STAT4: variants seen among roughly 807,000 people sequenced by gnomAD.
The protein encoded by STAT4 is signal transducer and activator of transcription 4.
Under a neutral mutation model 110.5 loss-of-function variants are expected in STAT4, and 42 were observed. That is an observed-to-expected ratio of 0.38 (90% confidence interval 0.30 to 0.49). STAT4 has a LOEUF of 0.49. Ranked by LOEUF, STAT4 falls within the 20% of genes least tolerant of loss-of-function variation. The probability of loss-of-function intolerance (pLI) is 0.95; values close to 1 mark genes in which losing one functional copy is unlikely to be tolerated. For synonymous variants in STAT4, 284 were observed against 302.2 expected (o/e 0.94, Z 0.63); for missense variants, 632 against 887.9 (o/e 0.71, Z 3.66).
At position 191,061,718 on chromosome 2, in the gene STAT4, T is replaced by A. The variant is rs1441634831; in HGVS notation, c.1034+11A>T. On this transcript the variant is annotated intron_variant, in intron 10 of 23. Coordinates refer to ENST00000392320, the MANE Select transcript of STAT4 (RefSeq NM_003151.4). The surrounding 1 kb of genome is among the most constrained non-coding windows in gnomAD (Gnocchi z 6.2). ...CAAACACACGAAATAGTAGAAAATG[T>A]TTTTGCCTACCTTAGTTTTACAGTG... 3 of 1,612,294 alleles carry A rather than the reference T, an allele frequency of 1.9e-6. No individual in the cohort carries two copies. Among genetic ancestry groups the A allele is most frequent in the Non-Finnish European group, 2.5e-6 (3 of 1,178,410 alleles).
At chr2:191,109,606 A>T (rs10201160) in intron 3 of STAT4, among the ~76,000 whole-genome samples, 7,293 of 152,236 alleles carry the variant, frequency 0.048, 579 homozygotes, top group African/African-American at 0.17. Context: ...TGGAACTCAA[A>T]CCAGGTCAAA....
intron 3 of STAT4, among the ~76,000 whole-genome samples, chr2:191,131,180 C>T (rs1699027410): frequency 6.6e-6 from 1 of 151,666 alleles, no homozygotes; most frequent in African/African-American, 2.4e-5. Context: ...TAAAGATGTA[C>T]ATAGTGCATG....
chr2:191,032,923 G>A lies in STAT4; in HGVS notation c.2044+35C>T. 1.9e-6 allele frequency: 3 copies of A among 1,569,680 alleles called. No individual in the cohort carries two copies. Among genetic ancestry groups the A allele is most frequent in the South Asian group, 2.4e-5 (2 of 83,780 alleles). ...ATGAGGTTATTTTCCAAAATCTTAA[G>A]GAAAAAAAAACAAAAACAAACAGAA... On this transcript the variant is annotated intron_variant, in intron 21 of 23. Transcript: ENST00000392320. The surrounding 1 kb of genome is among the most constrained non-coding windows in gnomAD (Gnocchi z 4.9).
chr2:191,117,297 A>G lies in STAT4; in HGVS notation c.273+29316T>C, dbSNP rs930055080. On this transcript the variant is annotated intron_variant, in intron 3 of 23. Transcript: ENST00000392320. The surrounding 1 kb of genome is among the most constrained non-coding windows in gnomAD (Gnocchi z 5.2). ...AGTGCTCTTATTTTAGCAGAGAAAT[A>G]CAAGTTTCTAATAGCTTAAGGCTGT... Among the ~76,000 whole-genome samples the G allele has an allele frequency of 1.3e-5, 2 of 152,232 alleles. No individual in the cohort carries two copies. The highest frequency in any genetic ancestry group is 4.8e-5 in the African/African-American group (2 of 41,458).
At chr2:191,088,820 C>G (rs1355803395) in intron 3 of STAT4, among the ~76,000 whole-genome samples, 3 of 152,154 alleles carry the variant, frequency 2.0e-5, no homozygotes, top group African/African-American at 7.2e-5. Flanking sequence ...TGCGACACAA[C>G]AGAACAAAGG....
chr2:191,145,075 A>G (rs1457408634), intron 3 of STAT4, among the ~76,000 whole-genome samples: 2 of 152,214 alleles, frequency 1.3e-5, no homozygotes, highest in African/African-American at 4.8e-5. Flanking sequence ...AAGGCCAGAT[A>G]AATGTGATAT....
chr2:191,031,401 T>C lies in STAT4; in HGVS notation c.2111+49A>G, dbSNP rs1252607729. 5.1e-6 allele frequency: 8 copies of C among 1,575,744 alleles called. No homozygotes were observed. The highest frequency in any genetic ancestry group is 1.7e-4 in the Middle Eastern group (1 of 5,958). On this transcript the variant is annotated intron_variant, in intron 22 of 23. Coordinates refer to ENST00000392320, the MANE Select transcript of STAT4 (RefSeq NM_003151.4). This position sits in a 1 kb window ranked among gnomAD's most constrained non-coding sequence, Gnocchi z 4.8. The stretch of plus-strand genomic sequence containing the variant: ...CTCTGCTCTACCTTTAAATCTCCTA[T>C]AGGAAAGCTTTTTATAAAAATATTT...
At chr2:191,056,779 ATTT>A (rs34775786) in intron 13 of STAT4, among the ~76,000 whole-genome samples, 13 of 94,490 alleles carry the variant, frequency 1.4e-4, no homozygotes, top group Admixed American at 2.5e-4. Context: ...CTTCTACACT[ATTT>A]TTTTTTTTTT....
chr2:191,098,889 G>C (rs1158007517), intron 3 of STAT4, among the ~76,000 whole-genome samples: 1 of 151,962 alleles, frequency 6.6e-6, no homozygotes, highest in African/African-American at 2.4e-5. Flanking sequence ...AAATATTTTT[G>C]TGTGGAAAAA....
At position 191,146,678 on chromosome 2, in the gene STAT4, G is replaced by A. The variant is rs1468059700; in HGVS notation, c.208C>T (p.Arg70Cys). Residue 70 changes from arginine to cysteine, a missense_variant, in exon 3 of 24, where the codon CGT becomes TGT. By Grantham distance (180) the Arg-to-Cys change is radical (BLOSUM62 -3). Coordinates refer to ENST00000392320, the MANE Select transcript of STAT4 (RefSeq NM_003151.4). The surrounding 1 kb of genome is among the most constrained non-coding windows in gnomAD (Gnocchi z 4.5). ...LLIQLDEQLGRVSKEKNLLLI... is the reference protein window; with the variant it reads ...LLIQLDEQLGCVSKEKNLLLI... ...AGTAGGTTTTTCTCTTTGGAAACAC[G>A]ACCTAACTGTTCATCCAGTTGTATT... 5 of 1,591,758 alleles carry A rather than the reference G, an allele frequency of 3.1e-6. No homozygotes were observed. The highest frequency in any genetic ancestry group is 4.3e-6 in the Non-Finnish European group (5 of 1,169,442).
rs761155615 is a variant in STAT4, at chr2:191,031,499, T to C, written c.2062A>G (p.Arg688Gly). Residue 688 changes from arginine (R) to glycine (G), a missense_variant, in exon 22 of 24, where the codon AGG becomes GGG. Transcript: ENST00000392320. This position sits in a 1 kb window ranked among gnomAD's most constrained non-coding sequence, Gnocchi z 4.8. ...QPCEVSRPTE[R>G]GDKGYVPSVF... is the part of the protein sequence containing the mutation. ...GAAGGAACATAACCTTTGTCACCCC[T>C]TTCTGTTGGTCTTGAAACTGGAAAA... 20 of 1,613,192 alleles carry C rather than the reference T, an allele frequency of 1.2e-5. No individual in the cohort carries two copies. Among genetic ancestry groups the C allele is most frequent in the Middle Eastern group, 3.3e-4 (2 of 6,076 alleles).
At chr2:191,036,698 A>G (rs1251241466) in intron 16 of STAT4, among the ~76,000 whole-genome samples, 3 of 152,112 alleles carry the variant, frequency 2.0e-5, no homozygotes, top group Non-Finnish European at 4.4e-5. Context: ...AAGCTTTTTA[A>G]TAAACTTTCA....
At chr2:191,076,451 G>T in intron 3 of STAT4, 126 bp from the exon 4 acceptor site, 1 of 697,210 alleles carries the variant, frequency 1.4e-6, no homozygotes, top group Non-Finnish European at 2.4e-6. Context: ...CTTGGGATTT[G>T]TTCCAATACT....
At position 191,031,262 on chromosome 2, in the gene STAT4, A is replaced by G; in HGVS notation, c.2112-182T>C. On this transcript the variant is annotated intron_variant, in intron 22 of 23. Transcript: ENST00000392320. The surrounding 1 kb of genome is among the most constrained non-coding windows in gnomAD (Gnocchi z 4.8). ...GGCATATATGGCATATAAAAGGGGAATTTTATAATTTTAGGCACAATAGAT... is the reference window on the plus strand; with the variant it reads ...GGCATATATGGCATATAAAAGGGGAGTTTTATAATTTTAGGCACAATAGAT... 2.3e-6 allele frequency: 2 copies of G among 880,398 alleles called. No individual in the cohort carries two copies. The highest frequency in any genetic ancestry group is 5.3e-5 in the East Asian group (2 of 37,792). The allele number at this position is 880,398 out of a possible 1,614,324, so 54.5% of individuals were successfully genotyped here. A position where few individuals can be genotyped will look rare whatever the true frequency, so the allele number is the denominator to read the frequency against.
intron 3 of STAT4, among the ~76,000 whole-genome samples, chr2:191,141,184 A>G (rs1172615263): frequency 2.0e-5 from 3 of 152,062 alleles, no homozygotes; most frequent in African/African-American, 4.8e-5. Context: ...AGTCACCACT[A>G]AAGAACTTAT....
Position 191,029,981 on chromosome 2 carries a change from T to C in STAT4, c.2221-115A>G. On this transcript the variant is annotated intron_variant, in intron 23 of 23. Coordinates refer to ENST00000392320, the MANE Select transcript of STAT4 (RefSeq NM_003151.4). The surrounding 1 kb of genome is among the most constrained non-coding windows in gnomAD (Gnocchi z 4.5). ...ACGAATTACTCCATAATTTTTCTAT[T>C]ACCTAGTTAAAATACTTAAACTAAG... 1 of 817,092 alleles carries C rather than the reference T, an allele frequency of 1.2e-6. No homozygotes were observed. The highest frequency in any genetic ancestry group is 2.5e-5 in the East Asian group (1 of 39,344). 50.6% of individuals were successfully genotyped at this position (817,092 alleles called of 1,614,324 possible). A position where few individuals can be genotyped will look rare whatever the true frequency, so the allele number is the denominator to read the frequency against.
intron 4 of STAT4, among the ~76,000 whole-genome samples, chr2:191,074,099 G>A (rs530624820): frequency 6.6e-6 from 1 of 152,164 alleles, no homozygotes; most frequent in Non-Finnish European, 1.5e-5. Context: ...GGGAGTTTAT[G>A]AAAGAAAACA....
At chr2:191,139,177 G>A (rs1699256531) in intron 3 of STAT4, among the ~76,000 whole-genome samples, 1 of 151,872 alleles carries the variant, frequency 6.6e-6, no homozygotes, top group South Asian at 2.1e-4. Context: ...CATTCCCCCC[G>A]AGAGCTGGAA....
At position 191,051,890 on chromosome 2, in the gene STAT4, A is replaced by G. The variant is rs1333164924; in HGVS notation, c.1251+2600T>C. Reference sequence around the variant, plus strand: ...GTGCCTCAGTTTCCATAACTGAAATAAGTATGAAGCTAATAGTACCTACTT... The same window carrying G: ...GTGCCTCAGTTTCCATAACTGAAATGAGTATGAAGCTAATAGTACCTACTT... On this transcript the variant is annotated intron_variant, in intron 14 of 23. Coordinates refer to ENST00000392320, the MANE Select transcript of STAT4 (RefSeq NM_003151.4). This position sits in a 1 kb window ranked among gnomAD's most constrained non-coding sequence, Gnocchi z 5.6. 6.6e-6 allele frequency among the ~76,000 whole-genome samples: 1 copy of G among 152,220 alleles called. No homozygotes were observed.
Sources: gnomAD v4.1 joint callset for allele counts (sites outside exome capture counted in the v4.1 genomes callset) on GRCh38, gnomAD v4.1.1 for gene constraint, Gnocchi (gnomAD v3.1) non-coding constraint, MANE v1.5 for transcripts, NCBI Gene and HGNC (gene_info 2026-07-23, HGNC 2026-07-21) for gene names.